Variants in ZNF385C observed in about 807,000 individuals in gnomAD.
ZNF385C encodes zinc finger protein 385C.
Under a neutral mutation model 35.4 loss-of-function variants are expected in ZNF385C, and 28 were observed. The ratio of observed to expected loss-of-function variants is 0.79; its 90% CI spans 0.59 to 1.08. The LOEUF (loss-of-function observed/expected upper bound fraction) is 1.08, where lower values mean the gene tolerates loss of function less well. Ranked by LOEUF, ZNF385C falls within the 50% of genes least tolerant of loss-of-function variation. The pLI, the probability that ZNF385C is intolerant of heterozygous loss-of-function variation, is 0.00. For missense variants in ZNF385C, 605 were observed against 595.6 expected (o/e 1.02, Z -0.16); for synonymous variants, 248 against 248.2 (o/e 1.00, Z 0.01).
chr17:42,028,169 C>G lies in ZNF385C; in HGVS notation c.1045G>C (p.Gly349Arg). The part of the protein sequence containing the change: ...RSRGRPVSRG[G>R]AGHKAKRVTG... ...ACTCTCTTGGCTTTGTGTCCGGCACCTCCCCTGGACACCGGGCGGCCCCGG... is the reference window on the plus strand; with the variant it reads ...ACTCTCTTGGCTTTGTGTCCGGCACGTCCCCTGGACACCGGGCGGCCCCGG... Residue 349 changes from glycine to arginine, a missense_variant, in exon 7 of 9, where the codon GGT becomes CGT. Coordinates refer to ENST00000692273, the MANE Select transcript of ZNF385C (RefSeq NM_001392013.1). 6.2e-7 allele frequency: 1 copy of G among 1,603,910 alleles called. No individual in the cohort carries two copies. Among genetic ancestry groups the G allele is most frequent in the African/African-American group, 1.3e-5 (1 of 74,488 alleles).
chr17:42,043,351 G>A (rs1241043080), intron 2 of ZNF385C: 5 of 1,232,102 alleles, frequency 4.1e-6, no homozygotes, highest in Non-Finnish European at 3.0e-6. Flanking sequence ...GGCCTCTCCC[G>A]CTGGTTTCTT....
chr17:42,077,022 G>T (rs1287079982), intron 1 of ZNF385C, among the ~76,000 whole-genome samples: 1 of 152,054 alleles, frequency 6.6e-6, no homozygotes, highest in African/African-American at 2.4e-5. Context: ...GACTATTCCA[G>T]CTCTCACTAC....
chr17:42,070,766 G>A (rs2053613174), intron 1 of ZNF385C, among the ~76,000 whole-genome samples: 1 of 152,188 alleles, frequency 6.6e-6, no homozygotes, highest in African/African-American at 2.4e-5. Flanking sequence ...TACCAGCCCA[G>A]CTGCAGAGAG....
At chr17:42,082,428 G>A (rs1300102615) in intron 1 of ZNF385C, among the ~76,000 whole-genome samples, 1 of 152,236 alleles carries the variant, frequency 6.6e-6, no homozygotes, top group Non-Finnish European at 1.5e-5. Flanking sequence ...CTAGGCCAAA[G>A]GTGGCAGTGT....
intron 1 of ZNF385C, among the ~76,000 whole-genome samples, chr17:42,069,280 G>C (rs1038779930): frequency 6.6e-6 from 1 of 151,878 alleles, no homozygotes; most frequent in Non-Finnish European, 1.5e-5. Context: ...GGTGGGTTGG[G>C]GGGAGCACGC....
chr17:42,039,342 T>C (rs1427190190), intron 2 of ZNF385C: 3 of 219,834 alleles, frequency 1.4e-5, no homozygotes, highest in South Asian at 1.8e-4. Context: ...TTCCAAGACC[T>C]AGTCTTCCTT....
chr17:42,035,553 T>C (rs1326225287), intron 3 of ZNF385C, among the ~76,000 whole-genome samples: 1 of 146,908 alleles, frequency 6.8e-6, no homozygotes, highest in Non-Finnish European at 1.5e-5. Context: ...TTTTTTTTTT[T>C]TTTTTTTTTT....
intron 1 of ZNF385C, among the ~76,000 whole-genome samples, chr17:42,075,916 C>T (rs1365228705): frequency 6.6e-6 from 1 of 152,176 alleles, no homozygotes; most frequent in Non-Finnish European, 1.5e-5. Context: ...TTTCTTCAGC[C>T]TTGAACTAGC....
At chr17:42,027,548 C>T (rs370131301) in intron 8 of ZNF385C, 70 bp downstream of exon 8, 12 of 730,030 alleles carry the variant, frequency 1.6e-5, no homozygotes, top group Non-Finnish European at 2.5e-5. Context: ...GCAGCCCCCC[C>T]ATCTGGCCCT....
Position 42,031,122 on chromosome 17 carries a change from C to T in ZNF385C, c.676+497G>A, listed in dbSNP as rs375615963. On this transcript the variant is annotated intron_variant, in intron 5 of 8. Transcript: ENST00000692273. ...TGTCACCCATAGCTCACTGCAGCCTCGACCTCCTGGGCTTAAGCAGATCCT... is the reference window on the plus strand; with the variant it reads ...TGTCACCCATAGCTCACTGCAGCCTTGACCTCCTGGGCTTAAGCAGATCCT... Among the ~76,000 whole-genome samples, 22 of 152,224 alleles carry T rather than the reference C, an allele frequency of 1.4e-4. No individual in the cohort carries two copies. In the East Asian group the frequency reaches 3.3e-3, roughly 23 times the overall value.
intron 2 of ZNF385C, chr17:42,041,149 C>G: frequency 8.1e-7 from 1 of 1,232,322 alleles, no homozygotes; most frequent in Non-Finnish European, 1.0e-6. Context: ...TGCCTTCAGG[C>G]GCTGGCAGGC....
rs59612634 is a variant in ZNF385C, at chr17:42,083,707, CTTTTTTTTTTTTTTTT to C, written c.-3+14687_-3+14702del. Among the ~76,000 whole-genome samples the C allele has an allele frequency of 4.4e-4, 22 of 49,968 alleles. No individual in the cohort carries two copies. The South Asian group carries it at 0.016, about 35-fold the overall frequency. The allele number at this position is 49,968 out of a possible 152,430, so 32.8% of individuals were successfully genotyped here. A position where few individuals can be genotyped will look rare whatever the true frequency, so the allele number is the denominator to read the frequency against. On this transcript the variant is annotated intron_variant, in intron 1 of 8. Transcript: ENST00000692273. ...TAACTTTCTGTATTGCTTTTCAAGT[CTTTTTTTTTTTTTTTT>C]TTTTTTTTTTTTTGAGACAGAGTCT... is the stretch of plus-strand genomic sequence containing the variant.
chr17:42,027,887 G>A (rs1237241989), intron 7 of ZNF385C, 159 bp from the exon 8 acceptor site: 26 of 1,200,390 alleles, frequency 2.2e-5, no homozygotes, highest in Non-Finnish European at 3.0e-5. Flanking sequence ...GGGGAGGTGA[G>A]TCTTGGCCTT....
chr17:42,073,974 C>A (rs2053658848), intron 1 of ZNF385C, among the ~76,000 whole-genome samples: 1 of 152,228 alleles, frequency 6.6e-6, no homozygotes, highest in African/African-American at 2.4e-5. Context: ...CCAACTCACC[C>A]CTGCCTTGGG....
chr17:42,036,985 T>C (rs1187537461), intron 3 of ZNF385C, among the ~76,000 whole-genome samples: 6 of 152,156 alleles, frequency 3.9e-5, no homozygotes, highest in Non-Finnish European at 7.3e-5. Flanking sequence ...CCTCATATAG[T>C]GAATTAAAAT....
intron 3 of ZNF385C, among the ~76,000 whole-genome samples, chr17:42,034,583 C>T (rs1173468641): frequency 1.3e-5 from 2 of 150,648 alleles, no homozygotes; most frequent in Non-Finnish European, 3.0e-5. Context: ...AGTTCAAGAC[C>T]AGCCTGACCA....
At position 42,031,656 on chromosome 17, in the gene ZNF385C, C is replaced by T. The variant is rs1555655009; in HGVS notation, c.639G>A (p.Thr213=). 1.3e-6 allele frequency: 2 copies of T among 1,550,646 alleles called. No individual in the cohort carries two copies. The highest frequency in any genetic ancestry group is 2.4e-5 in the East Asian group (1 of 40,926). Residue 213 remains threonine (T), a synonymous_variant, in exon 5 of 9, where the codon ACG becomes ACA. Coordinates refer to ENST00000692273, the MANE Select transcript of ZNF385C (RefSeq NM_001392013.1). ...QDGAVVSPIP[T]LASGAPGEPQ... ...GCTCTCCAGGGGCTCCACTGGCCAG[C>T]GTTGGGATTGGGGACACTACAGCCC... is the stretch of plus-strand genomic sequence containing the variant.
intron 2 of ZNF385C, among the ~76,000 whole-genome samples, chr17:42,058,996 C>T (rs185930699): frequency 6.6e-6 from 1 of 152,338 alleles, no homozygotes; most frequent in East Asian, 1.9e-4. Flanking sequence ...GCCCTCCACC[C>T]CCAGCTCTCA....
chr17:42,074,789 G>A (rs1369585252), intron 1 of ZNF385C, among the ~76,000 whole-genome samples: 10 of 152,186 alleles, frequency 6.6e-5, no homozygotes, highest in African/African-American at 1.7e-4. Flanking sequence ...AACTTAATCC[G>A]GTCACACTGA....
Sources: allele counts gnomAD v4.1 joint callset (sites outside exome capture counted in the v4.1 genomes callset), GRCh38; gene constraint gnomAD v4.1.1; transcripts MANE v1.5; gene names NCBI Gene and HGNC (gene_info 2026-07-23, HGNC 2026-07-21).